BABAM2: variants seen among roughly 807,000 people sequenced by gnomAD.
The protein encoded by BABAM2 is BRISC and BRCA1 A complex member 2, also known as BRISC and BRCA1-A complex member 2.
In BABAM2, 31 loss-of-function variants were observed where a neutral mutation model predicts 54.7. That is an observed-to-expected ratio of 0.57 (90% CI 0.43 to 0.77). The LOEUF is 0.77. BABAM2 is among the 30% of genes least tolerant of loss of function. The pLI is 0.00. For missense variants in BABAM2, 364 were observed against 455.8 expected (o/e 0.80, Z 1.83); for synonymous variants, 167 against 162.9 (o/e 1.03, Z -0.19).
At chr2:28,331,867 C>T (rs1690988097) in intron 11 of BABAM2, among the ~76,000 whole-genome samples, 1 of 152,158 alleles carries the variant, frequency 6.6e-6, no homozygotes, top group Non-Finnish European at 1.5e-5. Context: ...TACATGCACG[C>T]ATATGTTCAC....
chr2:27,902,539 C>T (rs1169645168), intron 2 of BABAM2, among the ~76,000 whole-genome samples: 1 of 152,110 alleles, frequency 6.6e-6, no homozygotes, highest in Non-Finnish European at 1.5e-5. Flanking sequence ...GTAGCCTCAC[C>T]AGTACTTGAT....
intron 11 of BABAM2, among the ~76,000 whole-genome samples, chr2:28,336,181 G>A (rs545797242): frequency 1.8e-4 from 27 of 152,296 alleles, no homozygotes; most frequent in Admixed American, 5.2e-4. Context: ...TTCTGCAGCA[G>A]TGCCATCGAA....
chr2:27,954,476 A>G (rs1237916886), intron 3 of BABAM2, among the ~76,000 whole-genome samples: 1 of 152,218 alleles, frequency 6.6e-6, no homozygotes, highest in Non-Finnish European at 1.5e-5. Flanking sequence ...TAAAGGTGAA[A>G]TACTAAAAGA....
intron 7 of BABAM2, among the ~76,000 whole-genome samples, chr2:28,131,326 C>T (rs1335688492): frequency 3.2e-5 from 2 of 61,920 alleles, no homozygotes; most frequent in African/African-American, 1.2e-4. Flanking sequence ...CGTGATCCGC[C>T]CGCCTCGGCC....
At chr2:28,078,424 G>A (rs1664874114) in intron 6 of BABAM2, among the ~76,000 whole-genome samples, 1 of 151,962 alleles carries the variant, frequency 6.6e-6, no homozygotes, top group Non-Finnish European at 1.5e-5. Flanking sequence ...AAAGGTGAAA[G>A]TTCTAGAATT....
chr2:28,322,311 G>A lies in BABAM2; in HGVS notation c.1089-16139G>A, dbSNP rs1690089723. On this transcript the variant is annotated intron_variant, in intron 11 of 11. Coordinates refer to ENST00000379624, the MANE Select transcript of BABAM2 (RefSeq NM_199191.3). The surrounding 1 kb of genome is among the most constrained non-coding windows in gnomAD (Gnocchi z 4.1). ...CCGCCCAAGGGTGACCACAGAAGTA[G>A]ACAACTTACGAACCAGAAACATCAA... Among the ~76,000 whole-genome samples, 2 of 152,202 alleles carry A rather than the reference G, an allele frequency of 1.3e-5. No individual in the cohort carries two copies. The highest frequency in any genetic ancestry group is 2.9e-5 in the Non-Finnish European group (2 of 68,038).
At chr2:28,128,599 T>C (rs1270974817) in intron 6 of BABAM2, among the ~76,000 whole-genome samples, 1 of 152,256 alleles carries the variant, frequency 6.6e-6, no homozygotes, top group Non-Finnish European at 1.5e-5. Context: ...TTTAGTTTTA[T>C]CATTATCAGT....
chr2:28,301,855 C>A (rs187220973), intron 11 of BABAM2, among the ~76,000 whole-genome samples: 2 of 152,286 alleles, frequency 1.3e-5, no homozygotes, highest in East Asian at 3.9e-4. Context: ...AATGGCTTTG[C>A]ATATATATCT....
chr2:28,048,948 T>C (rs1258751852), intron 6 of BABAM2, among the ~76,000 whole-genome samples: 1 of 152,234 alleles, frequency 6.6e-6, no homozygotes, highest in Non-Finnish European at 1.5e-5. Flanking sequence ...ATTAGTGAAC[T>C]TAACAATATG....
At chr2:27,902,935 G>A (rs189845886) in intron 2 of BABAM2, among the ~76,000 whole-genome samples, 34 of 152,066 alleles carry the variant, frequency 2.2e-4, no homozygotes, top group Admixed American at 6.6e-4. Flanking sequence ...GAGAGAGAGA[G>A]AGAGAGAGAG....
intron 7 of BABAM2, among the ~76,000 whole-genome samples, chr2:28,192,035 G>T (rs766678917): frequency 2.8e-4 from 43 of 152,120 alleles, no homozygotes; most frequent in South Asian, 4.2e-4. Context: ...TTGTTTTTTG[G>T]TTTTTTGTGT....
intron 1 of BABAM2, 60 bp from the exon 2 acceptor site, chr2:27,894,473 A>G: frequency 2.7e-6 from 4 of 1,504,086 alleles, no homozygotes; most frequent in Admixed American, 1.7e-5. Context: ...GTTTTCAGGC[A>G]GAGTGTTGTA....
chr2:28,153,510 G>T (rs1303466232), intron 7 of BABAM2, among the ~76,000 whole-genome samples: 1 of 152,176 alleles, frequency 6.6e-6, no homozygotes, highest in Non-Finnish European at 1.5e-5. Context: ...AGAAACTGTG[G>T]TAAAAATTAA....
At chr2:28,222,828 A>C (rs1680540466) in intron 7 of BABAM2, among the ~76,000 whole-genome samples, 1 of 152,210 alleles carries the variant, frequency 6.6e-6, no homozygotes. Context: ...AAGCAAACAC[A>C]TCCATCTTCT....
At chr2:28,182,991 C>T (rs1187843534) in intron 7 of BABAM2, among the ~76,000 whole-genome samples, 1 of 152,104 alleles carries the variant, frequency 6.6e-6, no homozygotes, top group Non-Finnish European at 1.5e-5. Context: ...ATGAGGGTTC[C>T]CTTTACTGCC....
At position 27,971,465 on chromosome 2, in the gene BABAM2, TTCA is replaced by T. The variant is rs753781858; in HGVS notation, c.206-16525_206-16523del. 3.3e-5 allele frequency among the ~76,000 whole-genome samples: 5 copies of T among 152,274 alleles called. No individual in the cohort carries two copies. In the East Asian group the frequency reaches 9.6e-4, roughly 29 times the overall value. Reference sequence around the variant, plus strand: ...CCTATTGCTTCACATCTCAGGGTTTTTCATCGTTTCCTCCAAATGGCAATGTCT... The same window carrying T: ...CCTATTGCTTCACATCTCAGGGTTTTTCGTTTCCTCCAAATGGCAATGTCT... On this transcript the variant is annotated intron_variant, in intron 3 of 11. Coordinates refer to ENST00000379624, the MANE Select transcript of BABAM2 (RefSeq NM_199191.3).
intron 6 of BABAM2, among the ~76,000 whole-genome samples, chr2:28,074,019 A>T (rs1055084766): frequency 2.0e-5 from 3 of 152,110 alleles, no homozygotes; most frequent in African/African-American, 7.2e-5. Context: ...ATACACACAC[A>T]TATATACACA....
intron 7 of BABAM2, among the ~76,000 whole-genome samples, chr2:28,183,016 A>T (rs375826108): frequency 6.6e-6 from 1 of 152,300 alleles, no homozygotes; most frequent in African/African-American, 2.4e-5. Flanking sequence ...GGTTGGGAAG[A>T]TTGTCAGTAA....
At chr2:28,231,836 C>G (rs1388181900) in intron 7 of BABAM2, among the ~76,000 whole-genome samples, 5 of 116,174 alleles carry the variant, frequency 4.3e-5, no homozygotes, top group Admixed American at 2.4e-4. Flanking sequence ...GAGACAGAGT[C>G]CCAATCAGTC....
Sources: allele counts gnomAD v4.1 joint callset (sites outside exome capture counted in the v4.1 genomes callset), GRCh38; gene constraint gnomAD v4.1.1; non-coding constraint Gnocchi (gnomAD v3.1); transcripts MANE v1.5; gene names NCBI Gene and HGNC (gene_info 2026-07-23, HGNC 2026-07-21).